The following ITFG1 variants were observed in gnomAD, a reference collection of about 807,000 sequenced individuals.
The protein encoded by ITFG1 is integrin alpha FG-GAP repeat containing 1, also known as T-cell immunomodulatory protein.
Under a neutral mutation model 81.8 loss-of-function variants are expected in ITFG1, and 34 were observed. That is an observed-to-expected ratio of 0.42 (90% CI 0.32 to 0.55). The LOEUF (loss-of-function observed/expected upper bound fraction) is 0.55, where lower values mean the gene tolerates loss of function less well. Among genes scored for constraint, ITFG1 ranks in the 20% least tolerant of loss-of-function variants. The pLI, the probability that ITFG1 is intolerant of heterozygous loss-of-function variation, is 0.17. For missense variants in ITFG1, 672 were observed against 755.4 expected, an observed-to-expected ratio of 0.89 and a Z score of 1.29; for synonymous variants, 285 against 270.6, an observed-to-expected ratio of 1.05 and a Z score of -0.52.
chr16:47,249,638 G>A (rs147146321), intron 12 of ITFG1, among the ~76,000 whole-genome samples: 1 of 152,246 alleles, frequency 6.6e-6, no homozygotes, highest in East Asian at 1.9e-4. Flanking sequence ...CTGGTTATTA[G>A]GAGATTTAAT....
intron 8 of ITFG1, among the ~76,000 whole-genome samples, chr16:47,355,366 A>C (rs1456537152): frequency 1.3e-5 from 2 of 152,122 alleles, no homozygotes; most frequent in African/African-American, 4.8e-5. Context: ...TAGAGAGAAT[A>C]GTGATTATCA....
chr16:47,309,852 T>A (rs902082156), intron 10 of ITFG1, among the ~76,000 whole-genome samples: 1 of 152,226 alleles, frequency 6.6e-6, no homozygotes, highest in Admixed American at 6.5e-5. Context: ...AAATATAAAT[T>A]ATTTACATAT....
intron 14 of ITFG1, among the ~76,000 whole-genome samples, chr16:47,182,083 C>T (rs1457937052): frequency 6.6e-6 from 1 of 151,988 alleles, no homozygotes; most frequent in African/African-American, 2.4e-5. Flanking sequence ...AAACCAGATA[C>T]CTTTGTTCAC....
In ITFG1 at chr16:47,245,349, C is replaced by CA. The variant is rs113161127; in HGVS notation, c.1331-7342dup. On this transcript the variant is annotated intron_variant, in intron 12 of 17. Coordinates refer to ENST00000320640, the MANE Select transcript of ITFG1 (RefSeq NM_030790.5). ...GGGCAACAAGAGCAAAACTCTGTCT[C>CA]AAAAAAAAAAAAATTATGTAGATGA... 9.0e-3 allele frequency among the ~76,000 whole-genome samples: 1,271 copies of CA among 141,306 alleles called. 18 individuals are homozygous for CA. The highest frequency in any genetic ancestry group is 0.029 in the African/African-American group (1,131 of 38,690). 92.7% of individuals were successfully genotyped at this position (141,306 alleles called of 152,430 possible).
intron 5 of ITFG1, among the ~76,000 whole-genome samples, chr16:47,437,032 T>C (rs924628662): frequency 1.3e-5 from 2 of 152,244 alleles, no homozygotes; most frequent in African/African-American, 2.4e-5. Context: ...TCTTTGCCAA[T>C]AATATACGGT....
At chr16:47,172,452 C>T (rs553812348) in intron 14 of ITFG1, among the ~76,000 whole-genome samples, 350 of 152,286 alleles carry the variant, frequency 2.3e-3, no homozygotes, top group Middle Eastern at 0.014. Flanking sequence ...CGTGCCACTG[C>T]ACTCTAGCCT....
At chr16:47,328,909 A>G (rs1457973208) in intron 8 of ITFG1, among the ~76,000 whole-genome samples, 2 of 152,116 alleles carry the variant, frequency 1.3e-5, no homozygotes, top group African/African-American at 4.8e-5. Context: ...TGCTTTATAC[A>G]TTTATTCACA....
At chr16:47,351,145 T>G (rs991861980) in intron 8 of ITFG1, among the ~76,000 whole-genome samples, 3 of 152,196 alleles carry the variant, frequency 2.0e-5, no homozygotes, top group Admixed American at 6.5e-5. Context: ...CTTTGAAAAC[T>G]GGCACAAGAC....
intron 8 of ITFG1, among the ~76,000 whole-genome samples, chr16:47,326,410 G>C (rs984879661): frequency 1.4e-4 from 22 of 152,274 alleles, no homozygotes; most frequent in Admixed American, 1.4e-3. Flanking sequence ...TTGAAAACTG[G>C]CACAAGACAG....
At chr16:47,410,108 T>C (rs1193795346) in intron 6 of ITFG1, among the ~76,000 whole-genome samples, 8 of 152,058 alleles carry the variant, frequency 5.3e-5, no homozygotes, top group Non-Finnish European at 8.8e-5. Flanking sequence ...GCCTCGTCTC[T>C]ACCACAAAAT....
chr16:47,274,968 A>T (rs923748910), intron 10 of ITFG1, among the ~76,000 whole-genome samples: 3 of 152,220 alleles, frequency 2.0e-5, no homozygotes, highest in South Asian at 2.1e-4. Context: ...TTGAAATATA[A>T]TTCAAACTCT....
chr16:47,358,177 T>C lies in ITFG1; in HGVS notation c.802+7611A>G, dbSNP rs545613357. Among the ~76,000 whole-genome samples, 8 of 152,340 alleles carry C rather than the reference T, an allele frequency of 5.3e-5. No individual in the cohort carries two copies. The South Asian group carries it at 1.4e-3, about 28-fold the overall frequency. On this transcript the variant is annotated intron_variant, in intron 8 of 17. Transcript: ENST00000320640. ...GGTGCTTTGTGGCAATGAGTGCACA[T>C]AAAATATTTGTTTTACCAAAAATTT...
intron 7 of ITFG1, among the ~76,000 whole-genome samples, chr16:47,373,513 T>C (rs974520220): frequency 1.3e-4 from 20 of 152,170 alleles, no homozygotes; most frequent in Non-Finnish European, 1.5e-5. Flanking sequence ...ACTCCTGACC[T>C]CAGATGATCT....
intron 14 of ITFG1, among the ~76,000 whole-genome samples, chr16:47,216,476 C>T (rs779845472): frequency 4.6e-5 from 7 of 152,112 alleles, no homozygotes; most frequent in African/African-American, 7.2e-5. Flanking sequence ...GCTGGGATTA[C>T]AGGCATGGGC....
chr16:47,443,998 C>T (rs1366624957), intron 5 of ITFG1, among the ~76,000 whole-genome samples: 2 of 152,198 alleles, frequency 1.3e-5, no homozygotes, highest in South Asian at 4.1e-4. Context: ...TGCCATATAA[C>T]GTAATTCACA....
intron 8 of ITFG1, among the ~76,000 whole-genome samples, chr16:47,323,754 G>A (rs897559043): frequency 6.6e-6 from 1 of 152,000 alleles, no homozygotes. Context: ...GTAGTAATGG[G>A]GTGGACTGAG....
chr16:47,179,648 AG>A (rs1965078009), intron 14 of ITFG1, among the ~76,000 whole-genome samples: 2 of 152,138 alleles, frequency 1.3e-5, no homozygotes, highest in South Asian at 4.1e-4. Flanking sequence ...TTAAAAAAAA[AG>A]AAATAAGCTG....
intron 12 of ITFG1, among the ~76,000 whole-genome samples, chr16:47,240,169 C>T (rs995263993): frequency 1.0e-4 from 15 of 150,010 alleles, no homozygotes; most frequent in South Asian, 2.1e-4. Context: ...TGGTGACACA[C>T]GTCTGTGGTC....
chr16:47,309,377 A>T (rs1967222295), intron 10 of ITFG1, among the ~76,000 whole-genome samples: 1 of 152,076 alleles, frequency 6.6e-6, no homozygotes, highest in Non-Finnish European at 1.5e-5. Context: ...GCCTATTAAC[A>T]TAACTTCTAT....
Sources: allele counts gnomAD v4.1 joint callset (sites outside exome capture counted in the v4.1 genomes callset), GRCh38; gene constraint gnomAD v4.1.1; transcripts MANE v1.5; gene names NCBI Gene and HGNC (gene_info 2026-07-23, HGNC 2026-07-21).